Variants in PMFBP1 observed in about 807,000 individuals in gnomAD.
The protein encoded by PMFBP1 is polyamine modulated factor 1 binding protein 1, also known as polyamine-modulated factor 1-binding protein 1.
Under a neutral mutation model 137.8 loss-of-function variants are expected in PMFBP1, and 131 were observed. The observed-to-expected ratio is 0.95, with a 90% confidence interval of 0.82 to 1.10. PMFBP1 has a LOEUF of 1.10. Ranked by LOEUF, PMFBP1 falls within the 50% of genes least tolerant of loss-of-function variation. The probability of loss-of-function intolerance (pLI) is 0.00; values close to 1 mark genes in which losing one functional copy is unlikely to be tolerated. For synonymous variants in PMFBP1, 490 were observed against 450.4 expected, an observed-to-expected ratio of 1.09 and a Z score of -1.11; for missense variants, 1,199 against 1,175.4, an observed-to-expected ratio of 1.02 and a Z score of -0.29.
At chr16:72,214,619 G>A in the PMFBP1 span, among the ~76,000 whole-genome samples, 1 of 152,192 alleles carries the variant, frequency 6.6e-6, no homozygotes, top group Non-Finnish European at 1.5e-5. Context: ...TTTGAATCCT[G>A]TAGAGTTCCC....
chr16:72,205,660 G>C, the PMFBP1 span, among the ~76,000 whole-genome samples: 1 of 152,182 alleles, frequency 6.6e-6, no homozygotes, highest in Non-Finnish European at 1.5e-5. Flanking sequence ...TGGTCACCTG[G>C]CTGCAGAGTG....
At chr16:72,213,998 G>C in the PMFBP1 span, among the ~76,000 whole-genome samples, 1 of 152,108 alleles carries the variant, frequency 6.6e-6, no homozygotes, top group African/African-American at 2.4e-5. Flanking sequence ...AGATAACTAT[G>C]TTCTCATTTA....
Position 72,140,577 on chromosome 16 carries a change from A to G in PMFBP1, c.642T>C (p.Pro214=), listed in dbSNP as rs1332010131. ...CCTTTGAATGATCACCCTTGTTCTC[A>G]GGCTCCTGAGAGATTTAAAAATAAT... ...GELGGIMGQE[P]ENKGDHSKVR... is the part of the protein sequence containing the mutation. The change falls in exon 6 of 21, where the codon CCT becomes CCC. Residue 214 remains proline, a synonymous_variant. Coordinates refer to ENST00000237353, the MANE Select transcript of PMFBP1 (RefSeq NM_031293.3). 9.3e-6 allele frequency: 15 copies of G among 1,610,328 alleles called. No individual in the cohort carries two copies. Among genetic ancestry groups the G allele is most frequent in the Non-Finnish European group, 1.2e-5 (14 of 1,177,654 alleles).
chr16:72,195,981 ATGTGTGTGTGTGTGTGTGTGTGTGTGTG>A, the PMFBP1 span, among the ~76,000 whole-genome samples: 3 of 145,058 alleles, frequency 2.1e-5, no homozygotes, highest in Non-Finnish European at 3.0e-5. Context: ...AGCTTACAGA[ATGTGTGTGTGTGTGTGTGTGTGTGTGTG>A]TGTGTGTGTG....
chr16:72,155,828 A>C (rs13334151), intron 3 of PMFBP1, among the ~76,000 whole-genome samples: 43,458 of 151,830 alleles, frequency 0.29, 6,536 homozygotes, highest in South Asian at 0.39. Flanking sequence ...TCAACCCCCC[A>C]CGTTTCCTCA....
At chr16:72,146,067 A>T (rs1225048544) in intron 5 of PMFBP1, among the ~76,000 whole-genome samples, 1 of 152,180 alleles carries the variant, frequency 6.6e-6, no homozygotes, top group East Asian at 1.9e-4. Context: ...CAGAGACACA[A>T]CAAAAAAAGA....
the PMFBP1 span, among the ~76,000 whole-genome samples, chr16:72,228,598 T>C: frequency 6.6e-6 from 1 of 152,172 alleles, no homozygotes; most frequent in Non-Finnish European, 1.5e-5. Flanking sequence ...GACAGCTGTA[T>C]TCCCAGTCCC....
chr16:72,188,924 A>G, the PMFBP1 span, among the ~76,000 whole-genome samples: 1 of 152,240 alleles, frequency 6.6e-6, no homozygotes, highest in Non-Finnish European at 1.5e-5. Context: ...TTTAGAGGTG[A>G]CTAGGACAGG....
the PMFBP1 span, among the ~76,000 whole-genome samples, chr16:72,249,411 T>G: frequency 1.3e-5 from 2 of 152,312 alleles, no homozygotes; most frequent in South Asian, 2.1e-4. Flanking sequence ...GTGTTTCCTT[T>G]CATTAGCTCT....
chr16:72,140,417 C>G lies in PMFBP1; in HGVS notation c.802G>C (p.Ala268Pro). ...TTCTAGAAGAAGGCACTTACCAAAGCGTTACTGCAGGCCAGCTTATTTCGA... is the reference window on the plus strand; with the variant it reads ...TTCTAGAAGAAGGCACTTACCAAAGGGTTACTGCAGGCCAGCTTATTTCGA... ...ELRNKLACSNALVLEREKALI... is the reference protein window; with the variant it reads ...ELRNKLACSNPLVLEREKALI... The change falls in exon 6 of 21, where the codon GCT becomes CCT. Residue 268 changes from alanine (A) to proline (P), a missense_variant. Transcript: ENST00000237353. 1 of 1,613,140 alleles carries G rather than the reference C, an allele frequency of 6.2e-7. No homozygotes were observed. Among genetic ancestry groups the G allele is most frequent in the Non-Finnish European group, 8.5e-7 (1 of 1,179,140 alleles).
At chr16:72,236,310 A>AG in the PMFBP1 span, among the ~76,000 whole-genome samples, 3 of 152,308 alleles carry the variant, frequency 2.0e-5, no homozygotes, top group Admixed American at 6.5e-5. Context: ...GTACTTAATG[A>AG]ACTTGTAAAC....
intron 10 of PMFBP1, among the ~76,000 whole-genome samples, chr16:72,132,523 TG>T (rs2042564092): frequency 6.6e-6 from 1 of 151,716 alleles, no homozygotes; most frequent in African/African-American, 2.4e-5. Flanking sequence ...GGGAGAATGG[TG>T]GGTGGGTGAC....
chr16:72,186,911 G>A, the PMFBP1 span, among the ~76,000 whole-genome samples: 15 of 152,018 alleles, frequency 9.9e-5, no homozygotes, highest in African/African-American at 3.1e-4. Context: ...TCAAGGGTTC[G>A]AGACAAGCCT....
upstream of PMFBP1, among the ~76,000 whole-genome samples, chr16:72,174,327 G>C (rs1039296709): frequency 6.6e-6 from 1 of 152,202 alleles, no homozygotes; most frequent in South Asian, 2.1e-4. Flanking sequence ...TTATTTCTGA[G>C]AAAGCACCAC....
the PMFBP1 span, among the ~76,000 whole-genome samples, chr16:72,198,524 CCCT>C: frequency 1.3e-5 from 2 of 152,146 alleles, no homozygotes; most frequent in African/African-American, 4.8e-5. Flanking sequence ...GGGAGAGCTG[CCCT>C]CCTCCTTTCC....
At chr16:72,198,843 G>C in the PMFBP1 span, among the ~76,000 whole-genome samples, 1 of 117,394 alleles carries the variant, frequency 8.5e-6, no homozygotes, top group Admixed American at 1.2e-4. Context: ...GAGCAACACA[G>C]ACTACCAGGA....
chr16:72,241,546 ATTGGCCTTTG>A, the PMFBP1 span, among the ~76,000 whole-genome samples: 1 of 152,308 alleles, frequency 6.6e-6, no homozygotes, highest in African/African-American at 2.4e-5. Context: ...AGAATATTTG[ATTGGCCTTTG>A]TTTACCGAGG....
chr16:72,121,805 T>G (rs1478135207), intron 19 of PMFBP1, among the ~76,000 whole-genome samples: 1 of 152,176 alleles, frequency 6.6e-6, no homozygotes, highest in East Asian at 1.9e-4. Flanking sequence ...CATTTTTAAA[T>G]TTTTTATACA....
chr16:72,168,208 C>A (rs566771689), intron 2 of PMFBP1, among the ~76,000 whole-genome samples: 1 of 152,090 alleles, frequency 6.6e-6, no homozygotes, highest in Non-Finnish European at 1.5e-5. Flanking sequence ...AAAAGAAAAC[C>A]ATTCACTCCT....
Sources: allele counts gnomAD v4.1 joint callset (sites outside exome capture counted in the v4.1 genomes callset), GRCh38; gene constraint gnomAD v4.1.1; transcripts MANE v1.5; gene names NCBI Gene and HGNC (gene_info 2026-07-23, HGNC 2026-07-21).